MACROD2: variants seen among roughly 807,000 people sequenced by gnomAD.
MACROD2 encodes the protein mono-ADP ribosylhydrolase 2, also known as ADP-ribose glycohydrolase MACROD2.
Under a neutral mutation model 70.4 loss-of-function variants are expected in MACROD2, and 36 were observed. That is an observed-to-expected ratio of 0.51 (90% confidence interval 0.39 to 0.68). MACROD2 has a LOEUF of 0.68. MACROD2 is among the 30% of genes least tolerant of loss of function. MACROD2 has a pLI of 0.00. For synonymous variants in MACROD2, 172 were observed against 178.8 expected, an observed-to-expected ratio of 0.96 and a Z score of 0.30; for missense variants, 496 against 538.4, an observed-to-expected ratio of 0.92 and a Z score of 0.78.
intron 5 of MACROD2, among the ~76,000 whole-genome samples, chr20:14,879,698 A>G (rs1459179233): frequency 1.3e-5 from 2 of 152,192 alleles, no homozygotes; most frequent in East Asian, 3.9e-4. Context: ...GGTGGCATAT[A>G]TAGAGTATAG....
chr20:14,570,360 T>C (rs1433609125), intron 4 of MACROD2, among the ~76,000 whole-genome samples: 2 of 151,994 alleles, frequency 1.3e-5, no homozygotes, highest in African/African-American at 4.8e-5. Flanking sequence ...GGGTGAGTAG[T>C]AATGACAAGA....
chr20:15,258,288 G>A (rs1038263564), intron 6 of MACROD2, among the ~76,000 whole-genome samples: 4 of 152,002 alleles, frequency 2.6e-5, no homozygotes, highest in African/African-American at 9.7e-5. Context: ...AAAGTCTACA[G>A]TAGGGTACTG....
intron 8 of MACROD2, among the ~76,000 whole-genome samples, chr20:15,516,176 A>T (rs1307647408): frequency 2.6e-5 from 4 of 151,662 alleles, no homozygotes; most frequent in African/African-American, 7.3e-5. Context: ...TTTTTAGTCC[A>T]CTCAACATTG....
intron 15 of MACROD2, among the ~76,000 whole-genome samples, chr20:16,028,741 A>G (rs940827071): frequency 6.6e-6 from 1 of 152,126 alleles, no homozygotes; most frequent in African/African-American, 2.4e-5. Flanking sequence ...GACTTTGGAG[A>G]GGGGGCCAAA....
chr20:16,045,122 C>T (rs2067362077), intron 17 of MACROD2, among the ~76,000 whole-genome samples: 1 of 152,012 alleles, frequency 6.6e-6, no homozygotes, highest in Non-Finnish European at 1.5e-5. Context: ...TTTTTCACAC[C>T]ACTACCTGTG....
chr20:14,137,274 G>A (rs1397831375), intron 3 of MACROD2, among the ~76,000 whole-genome samples: 2 of 152,162 alleles, frequency 1.3e-5, no homozygotes, highest in African/African-American at 4.8e-5. Context: ...ATTCTTACAA[G>A]AGTAAGCTAG....
chr20:15,501,586 T>C (rs1028501063), intron 8 of MACROD2, among the ~76,000 whole-genome samples: 1 of 152,236 alleles, frequency 6.6e-6, no homozygotes, highest in South Asian at 2.1e-4. Flanking sequence ...TCTTTTGCTT[T>C]CATATCCTTT....
chr20:14,251,027 A>T lies in MACROD2; in HGVS notation c.271+165299A>T, dbSNP rs117065097. Among the ~76,000 whole-genome samples, 527 of 152,266 alleles carry T rather than the reference A, an allele frequency of 3.5e-3. 9 individuals are homozygous for T. Among genetic ancestry groups the T allele is most frequent in the East Asian group, 0.022 (115 of 5,186 alleles). On this transcript the variant is annotated intron_variant, in intron 3 of 17. Coordinates refer to ENST00000684519, the MANE Select transcript of MACROD2 (RefSeq NM_001351661.2). ...AATAATATTTTATAATAGTTTGATG[A>T]CATTTTAAACAGATTTTGAAATCTA...
At chr20:16,032,135 A>T (rs1304569816) in intron 15 of MACROD2, among the ~76,000 whole-genome samples, 2 of 152,184 alleles carry the variant, frequency 1.3e-5, no homozygotes, top group African/African-American at 4.8e-5. Context: ...TCTATTTAGA[A>T]ATAAACGCAT....
Position 15,461,008 on chromosome 20 carries a change from T to TA in MACROD2, c.571+29573_571+29574insA, listed in dbSNP as rs1568825308. ...TATATATATATATATATATATATAT[T>TA]TTTTTTTAATAGATGGGGTCTTGCT... On this transcript the variant is annotated intron_variant, in intron 7 of 17. Coordinates refer to ENST00000684519, the MANE Select transcript of MACROD2 (RefSeq NM_001351661.2). Among the ~76,000 whole-genome samples the TA allele has an allele frequency of 1.6e-4, 11 of 67,666 alleles. 1 individual carries two copies. Among genetic ancestry groups the TA allele is most frequent in the Non-Finnish European group, 3.4e-4 (9 of 26,332 alleles). The allele number at this position is 67,666 out of a possible 152,430, so 44.4% of individuals were successfully genotyped here.
At chr20:15,686,548 A>G (rs1167977134) in intron 8 of MACROD2, among the ~76,000 whole-genome samples, 2 of 152,198 alleles carry the variant, frequency 1.3e-5, no homozygotes, top group Non-Finnish European at 2.9e-5. Flanking sequence ...AGGGGCTTTC[A>G]ACCAAAAGCC....
chr20:14,557,043 A>G (rs984122558), intron 4 of MACROD2, among the ~76,000 whole-genome samples: 6 of 151,968 alleles, frequency 3.9e-5, no homozygotes, highest in Non-Finnish European at 8.8e-5. Context: ...TTGATGGAAT[A>G]GAATTAAGAG....
intron 5 of MACROD2, among the ~76,000 whole-genome samples, chr20:14,965,464 T>C (rs1300965837): frequency 3.8e-5 from 5 of 130,428 alleles, no homozygotes; most frequent in African/African-American, 5.8e-5. Context: ...TTTTTTTTTT[T>C]TTTTTTTTTT....
chr20:14,471,738 T>C (rs2084533094), intron 3 of MACROD2, among the ~76,000 whole-genome samples: 1 of 152,162 alleles, frequency 6.6e-6, no homozygotes, highest in South Asian at 2.1e-4. Flanking sequence ...AAGGTACTCT[T>C]TCTAACGTGT....
chr20:15,860,936 A>G (rs1377804982), intron 8 of MACROD2, among the ~76,000 whole-genome samples: 2 of 152,228 alleles, frequency 1.3e-5, no homozygotes, highest in Admixed American at 1.3e-4. Context: ...AGTTGACATG[A>G]AAACAAGTCA....
intron 5 of MACROD2, among the ~76,000 whole-genome samples, chr20:14,825,424 G>A (rs1479927895): frequency 6.6e-6 from 1 of 151,882 alleles, no homozygotes; most frequent in African/African-American, 2.4e-5. Flanking sequence ...CTGAAGTAAG[G>A]GCTTATAACA....
At chr20:15,359,464 A>G (rs2078326682) in intron 6 of MACROD2, among the ~76,000 whole-genome samples, 2 of 151,870 alleles carry the variant, frequency 1.3e-5, no homozygotes, top group African/African-American at 4.8e-5. Context: ...AAAGAAATGC[A>G]ATCTAAATAT....
chr20:14,946,033 C>G (rs1169032708), intron 5 of MACROD2, among the ~76,000 whole-genome samples: 1 of 152,068 alleles, frequency 6.6e-6, no homozygotes, highest in Non-Finnish European at 1.5e-5. Flanking sequence ...CATGGTGAAA[C>G]CCTGTCTCTA....
At chr20:14,222,583 G>T (rs545922187) in intron 3 of MACROD2, among the ~76,000 whole-genome samples, 2 of 152,168 alleles carry the variant, frequency 1.3e-5, no homozygotes, top group South Asian at 2.1e-4. Context: ...TCACCACTAT[G>T]CATGCAGTCC....
Sources: gnomAD v4.1 joint callset for allele counts (sites outside exome capture counted in the v4.1 genomes callset) on GRCh38, gnomAD v4.1.1 for gene constraint, MANE v1.5 for transcripts, NCBI Gene and HGNC (gene_info 2026-07-23, HGNC 2026-07-21) for gene names.